SDCCAG8: variants seen among roughly 807,000 people sequenced by gnomAD.
The protein encoded by SDCCAG8 is SHH signaling and ciliogenesis regulator SDCCAG8.
In SDCCAG8, 74 loss-of-function variants were observed where a neutral mutation model predicts 101.8. The ratio of observed to expected loss-of-function variants is 0.73; its 90% CI spans 0.60 to 0.88. The LOEUF is 0.88. Ranked by LOEUF, SDCCAG8 falls within the 40% of genes least tolerant of loss-of-function variation. The probability of loss-of-function intolerance (pLI) is 0.00; values close to 1 mark genes in which losing one functional copy is unlikely to be tolerated. For missense variants in SDCCAG8, 787 were observed against 822.6 expected, an observed-to-expected ratio of 0.96 and a Z score of 0.53; for synonymous variants, 281 against 292.9, an observed-to-expected ratio of 0.96 and a Z score of 0.41.
At chr1:243,370,903 C>A (rs910991366) in intron 12 of SDCCAG8, among the ~76,000 whole-genome samples, 5 of 152,080 alleles carry the variant, frequency 3.3e-5, no homozygotes, top group African/African-American at 1.2e-4. Flanking sequence ...AAAAATGTTG[C>A]ATATTTTATT....
intron 6 of SDCCAG8, among the ~76,000 whole-genome samples, chr1:243,303,720 ATTG>A (rs1463096827): frequency 1.3e-5 from 2 of 152,146 alleles, no homozygotes; most frequent in African/African-American, 2.4e-5. Context: ...TGTTTATATT[ATTG>A]TTAAGTCTTC....
chr1:243,486,256 T>G (rs959672050), intron 16 of SDCCAG8, among the ~76,000 whole-genome samples: 1 of 148,782 alleles, frequency 6.7e-6, no homozygotes, highest in African/African-American at 2.5e-5. Flanking sequence ...TTTGTAATAC[T>G]GGGAGTGTTC....
At chr1:243,342,343 C>A (rs1182422049) in intron 11 of SDCCAG8, among the ~76,000 whole-genome samples, 1 of 152,142 alleles carries the variant, frequency 6.6e-6, no homozygotes, top group Non-Finnish European at 1.5e-5. Context: ...GACTAAATCG[C>A]CTTGAAGTTG....
At chr1:243,357,152 G>C (rs2076429950) in intron 12 of SDCCAG8, among the ~76,000 whole-genome samples, 1 of 152,182 alleles carries the variant, frequency 6.6e-6, no homozygotes, top group Admixed American at 6.5e-5. Context: ...GGCCGAGGTG[G>C]GTGGATCATG....
intron 12 of SDCCAG8, among the ~76,000 whole-genome samples, chr1:243,376,024 A>G (rs2077577071): frequency 6.6e-6 from 1 of 152,180 alleles, no homozygotes; most frequent in Non-Finnish European, 1.5e-5. Flanking sequence ...TGCATTTCAC[A>G]TTTTGAAATT....
intron 7 of SDCCAG8, chr1:243,306,082 T>C: frequency 1.5e-5 from 1 of 67,508 alleles, no homozygotes; most frequent in African/African-American, 4.7e-5. Context: ...GGAGACTCCA[T>C]CTAAAAAAAA....
At chr1:243,437,416 C>T (rs72759878) in intron 16 of SDCCAG8, among the ~76,000 whole-genome samples, 1 of 152,040 alleles carries the variant, frequency 6.6e-6, no homozygotes, top group Non-Finnish European at 1.5e-5. Flanking sequence ...AGAGTAAACC[C>T]AGGATGCTCT....
intron 5 of SDCCAG8, 87 bp from the exon 6 acceptor site, chr1:243,293,004 T>C (rs939421869): frequency 1.6e-5 from 24 of 1,465,956 alleles, no homozygotes; most frequent in Non-Finnish European, 2.2e-5. Context: ...CTTTTCATCA[T>C]AGGTAAGAAT....
chr1:243,426,350 G>T (rs1049930678), intron 15 of SDCCAG8, 77 bp from the exon 16 acceptor site: 1 of 1,257,310 alleles, frequency 8.0e-7, no homozygotes, highest in Non-Finnish European at 1.1e-6. Context: ...TTAAGATAAT[G>T]TTAAGGTTAT....
At chr1:243,280,288 C>G (rs2068918622) in intron 4 of SDCCAG8, among the ~76,000 whole-genome samples, 1 of 152,080 alleles carries the variant, frequency 6.6e-6, no homozygotes, top group Non-Finnish European at 1.5e-5. Flanking sequence ...ATTTTCACTT[C>G]TGATCTTAGT....
In SDCCAG8 at chr1:243,270,085, T is replaced by C. The variant is rs200054776; in HGVS notation, c.68-20T>C. The C allele has an allele frequency of 6.2e-7, 1 of 1,614,218 alleles. No individual in the cohort carries two copies. Among genetic ancestry groups the C allele is most frequent in the Non-Finnish European group, 8.5e-7 (1 of 1,180,038 alleles). On this transcript the variant is annotated intron_variant, in intron 1 of 17. Transcript: ENST00000366541. ...AACCAGACTCCATGGGTCCTAACTT[T>C]CGTCAGGTTGTTCTTGCAGAACATG...
intron 4 of SDCCAG8, among the ~76,000 whole-genome samples, chr1:243,277,563 T>C (rs1572916934): frequency 6.6e-6 from 1 of 152,234 alleles, no homozygotes; most frequent in Non-Finnish European, 1.5e-5. Context: ...ATCAGATATG[T>C]CTTTTTCAAG....
chr1:243,347,054 C>T (rs945757654), intron 12 of SDCCAG8, among the ~76,000 whole-genome samples: 4 of 152,086 alleles, frequency 2.6e-5, no homozygotes, highest in Non-Finnish European at 4.4e-5. Context: ...ATCATTTTGC[C>T]AGTCCTCCTC....
intron 9 of SDCCAG8, among the ~76,000 whole-genome samples, chr1:243,322,594 A>G (rs186887683): frequency 2.2e-3 from 336 of 152,288 alleles, no homozygotes; most frequent in Admixed American, 3.7e-3. Context: ...CACCCTGATC[A>G]CTGTTAAATC....
chr1:243,327,811 T>TA (rs1251003836), intron 9 of SDCCAG8, among the ~76,000 whole-genome samples: 1 of 152,266 alleles, frequency 6.6e-6, no homozygotes, highest in Admixed American at 6.5e-5. Flanking sequence ...TTCCAAGTGT[T>TA]ACTACGCTTT....
intron 12 of SDCCAG8, among the ~76,000 whole-genome samples, chr1:243,374,072 TA>T (rs2077456311): frequency 6.6e-6 from 1 of 151,940 alleles, no homozygotes; most frequent in African/African-American, 2.4e-5. Context: ...GCATGCTATG[TA>T]AAAAAGTGTC....
intron 13 of SDCCAG8, among the ~76,000 whole-genome samples, chr1:243,410,503 G>A (rs936567982): frequency 2.0e-5 from 3 of 152,092 alleles, no homozygotes; most frequent in African/African-American, 7.2e-5. Flanking sequence ...TCTTAAAAGG[G>A]AAACACCTTT....
At chr1:243,484,410 A>G (rs1043309991) in intron 16 of SDCCAG8, among the ~76,000 whole-genome samples, 1 of 152,226 alleles carries the variant, frequency 6.6e-6, no homozygotes, top group Non-Finnish European at 1.5e-5. Context: ...CTTTGAATCA[A>G]TGATTCATGT....
intron 15 of SDCCAG8, among the ~76,000 whole-genome samples, chr1:243,422,622 T>C (rs1390823220): frequency 6.6e-6 from 1 of 152,188 alleles, no homozygotes; most frequent in Non-Finnish European, 1.5e-5. Flanking sequence ...AACTGTTTTT[T>C]TCCTTTGCAT....
Sources: allele counts gnomAD v4.1 joint callset (sites outside exome capture counted in the v4.1 genomes callset), GRCh38; gene constraint gnomAD v4.1.1; transcripts MANE v1.5; gene names NCBI Gene and HGNC (gene_info 2026-07-23, HGNC 2026-07-21).